The following ARPP21 variants were observed in gnomAD, a reference collection of about 807,000 sequenced individuals.
The protein encoded by ARPP21 is cAMP regulated phosphoprotein 21.
ARPP21 carries 69 observed loss-of-function variants against 113.2 expected under a neutral mutation model. The ratio of observed to expected loss-of-function variants is 0.61; its 90% CI spans 0.50 to 0.74. ARPP21 has a LOEUF of 0.74. Among genes scored for constraint, ARPP21 ranks in the 30% least tolerant of loss-of-function variants. The pLI, the probability that ARPP21 is intolerant of heterozygous loss-of-function variation, is 0.00. For missense variants in ARPP21, 1,070 were observed against 1,037.4 expected (o/e 1.03, Z -0.43); for synonymous variants, 368 against 375.5 (o/e 0.98, Z 0.23).
intron 15 of ARPP21, among the ~76,000 whole-genome samples, chr3:35,735,175 A>G (rs2094264298): frequency 6.6e-6 from 1 of 152,128 alleles, no homozygotes; most frequent in Admixed American, 6.5e-5. Context: ...GCTGGAGTGC[A>G]GTGGCACAAT....
At chr3:35,713,763 C>T (rs1206166372) in intron 11 of ARPP21, among the ~76,000 whole-genome samples, 3 of 152,120 alleles carry the variant, frequency 2.0e-5, no homozygotes, top group Non-Finnish European at 4.4e-5. Flanking sequence ...AACTCTCCCC[C>T]AAATGCTATT....
chr3:35,658,179 T>A (rs1366825025), intron 1 of ARPP21, among the ~76,000 whole-genome samples: 1 of 152,084 alleles, frequency 6.6e-6, no homozygotes, highest in Non-Finnish European at 1.5e-5. Context: ...GACTCATAGA[T>A]TGGGCATGGT....
chr3:35,702,746 C>A (rs1192149001), intron 9 of ARPP21, among the ~76,000 whole-genome samples: 2 of 151,808 alleles, frequency 1.3e-5, no homozygotes, highest in Middle Eastern at 3.4e-3. Flanking sequence ...GGTATAGTCT[C>A]ATTTAAAAGA....
intron 1 of ARPP21, chr3:35,641,831 A>G (rs1434393119): frequency 1.3e-5 from 2 of 152,326 alleles, no homozygotes; most frequent in African/African-American, 2.4e-5. Flanking sequence ...ATGCTTCCTC[A>G]TTACAAAAGA....
At position 35,773,162 on chromosome 3, in the gene ARPP21, G is replaced by T. The variant is rs146118620; in HGVS notation, c.2138-19220G>T. ...ATAATGCATTTTTGGTGAACCCTGG[G>T]AGTGGCGTACTCTTAGCAGGAAGTG... On this transcript the variant is annotated intron_variant, in intron 19 of 20. Coordinates refer to ENST00000684406, the MANE Select transcript of ARPP21 (RefSeq NM_001385562.1). 2.0e-4 allele frequency among the ~76,000 whole-genome samples: 30 copies of T among 152,222 alleles called. No individual in the cohort carries two copies. The East Asian group carries it at 5.4e-3, about 27-fold the overall frequency.
chr3:35,648,974 T>C (rs1701335521), intron 1 of ARPP21, among the ~76,000 whole-genome samples: 1 of 151,592 alleles, frequency 6.6e-6, no homozygotes, highest in African/African-American at 2.4e-5. Context: ...TATGGATACA[T>C]ATATATTGCT....
intron 18 of ARPP21, among the ~76,000 whole-genome samples, chr3:35,740,943 A>G (rs1036742283): frequency 6.8e-6 from 1 of 147,464 alleles, no homozygotes; most frequent in Non-Finnish European, 1.5e-5. Flanking sequence ...GCAAAGAATT[A>G]AAAAAAAAAA....
intron 9 of ARPP21, among the ~76,000 whole-genome samples, chr3:35,705,749 T>A (rs1313596767): frequency 1.3e-5 from 2 of 152,144 alleles, no homozygotes; most frequent in Non-Finnish European, 2.9e-5. Flanking sequence ...AAGGATCGAA[T>A]AAGATATTGA....
intron 19 of ARPP21, among the ~76,000 whole-genome samples, chr3:35,780,446 A>G (rs1168063252): frequency 6.6e-6 from 1 of 152,082 alleles, no homozygotes; most frequent in Non-Finnish European, 1.5e-5. Context: ...TACAAGAGAG[A>G]TATTAGCCTA....
intron 19 of ARPP21, among the ~76,000 whole-genome samples, chr3:35,758,831 G>A (rs1021447540): frequency 6.6e-6 from 1 of 151,892 alleles, no homozygotes; most frequent in Non-Finnish European, 1.5e-5. Context: ...TTTAAGTAAA[G>A]CAGAGAAAGG....
chr3:35,685,424 A>G (rs991565327), intron 5 of ARPP21: 21 of 984,922 alleles, frequency 2.1e-5, no homozygotes, highest in Non-Finnish European at 2.5e-5. Flanking sequence ...ACACACATAT[A>G]AGCAAGTGGC....
intron 11 of ARPP21, among the ~76,000 whole-genome samples, chr3:35,711,817 C>T (rs1448524158): frequency 2.0e-5 from 3 of 152,154 alleles, no homozygotes; most frequent in Non-Finnish European, 4.4e-5. Flanking sequence ...TGGCAACTAA[C>T]TTCCCCTGAA....
chr3:35,744,212 T>C (rs1407474727), intron 19 of ARPP21, among the ~76,000 whole-genome samples: 1 of 152,210 alleles, frequency 6.6e-6, no homozygotes, highest in Non-Finnish European at 1.5e-5. Context: ...TTTTGATCCT[T>C]CTTCTGTTAA....
intron 9 of ARPP21, among the ~76,000 whole-genome samples, chr3:35,705,401 C>G (rs1260444119): frequency 6.6e-6 from 1 of 152,120 alleles, no homozygotes; most frequent in African/African-American, 2.4e-5. Context: ...TTGTAAAGTA[C>G]AGGTTTACTT....
At chr3:35,743,581 C>T (rs2094817558) in intron 18 of ARPP21, among the ~76,000 whole-genome samples, 1 of 90,312 alleles carries the variant, frequency 1.1e-5, no homozygotes, top group Admixed American at 9.8e-5. Flanking sequence ...TAGGATCAGA[C>T]TTGAAAGACT....
chr3:35,734,264 A>G (rs892846737), intron 15 of ARPP21, among the ~76,000 whole-genome samples: 1 of 152,228 alleles, frequency 6.6e-6, no homozygotes. Flanking sequence ...ATTAAAGATT[A>G]GAACACTAAA....
chr3:35,721,553 T>C, intron 13 of ARPP21, 52 bp from the exon 14 acceptor site: 1 of 1,031,182 alleles, frequency 9.7e-7, no homozygotes, highest in Non-Finnish European at 1.5e-6. Context: ...ACCAACACCA[T>C]GCATGTAAGG....
intron 14 of ARPP21, among the ~76,000 whole-genome samples, chr3:35,724,261 G>T (rs1403525542): frequency 6.6e-6 from 1 of 152,190 alleles, no homozygotes; most frequent in East Asian, 1.9e-4. Flanking sequence ...GGAGGCAGAT[G>T]ATGCGATTGT....
At chr3:35,784,707 C>T (rs937764090) in intron 19 of ARPP21, 1 of 151,990 alleles carries the variant, frequency 6.6e-6, no homozygotes, top group African/African-American at 2.4e-5. Flanking sequence ...CTAGAACAAT[C>T]TTTGAGCAAG....
Sources: gnomAD v4.1 joint callset for allele counts (sites outside exome capture counted in the v4.1 genomes callset) on GRCh38, gnomAD v4.1.1 for gene constraint, MANE v1.5 for transcripts, NCBI Gene and HGNC (gene_info 2026-07-23, HGNC 2026-07-21) for gene names.